The following YAP1 variants were observed in gnomAD, a reference collection of about 807,000 sequenced individuals.
The protein encoded by YAP1 is Yes1 associated transcriptional regulator.
YAP1 carries 5 observed loss-of-function variants against 56.9 expected under a neutral mutation model. The ratio of observed to expected loss-of-function variants is 0.09; its 90% CI spans 0.05 to 0.18. The LOEUF (loss-of-function observed/expected upper bound fraction) is 0.18, where lower values mean the gene tolerates loss of function less well. Ranked by LOEUF, YAP1 falls within the 10% of genes least tolerant of loss-of-function variation. The pLI is 1.00. For missense variants in YAP1, 539 were observed against 651.8 expected, an observed-to-expected ratio of 0.83 and a Z score of 1.88; for synonymous variants, 265 against 248.1, an observed-to-expected ratio of 1.07 and a Z score of -0.64.
chr11:102,182,942 C>T (rs922456125), intron 3 of YAP1, among the ~76,000 whole-genome samples: 3 of 152,156 alleles, frequency 2.0e-5, no homozygotes, highest in African/African-American at 7.2e-5. Context: ...TTTAAGCTTA[C>T]AGAAAGTTCA....
intron 2 of YAP1, among the ~76,000 whole-genome samples, chr11:102,162,254 G>C (rs976811895): frequency 3.3e-5 from 5 of 152,140 alleles, no homozygotes; most frequent in Non-Finnish European, 5.9e-5. Flanking sequence ...TGTTGCACTT[G>C]TAAGATCTAA....
At chr11:102,169,768 A>G (rs984033327) in intron 3 of YAP1, among the ~76,000 whole-genome samples, 26 of 152,184 alleles carry the variant, frequency 1.7e-4, no homozygotes, top group African/African-American at 5.8e-4. Flanking sequence ...AATATAGCCA[A>G]TCCTTAAGAA....
chr11:102,193,240 G>A (rs1320353718), intron 4 of YAP1, among the ~76,000 whole-genome samples: 2 of 152,062 alleles, frequency 1.3e-5, no homozygotes, highest in African/African-American at 4.8e-5. Flanking sequence ...TCAAAAGCAA[G>A]CATTTGCTTA....
In YAP1 at chr11:102,120,928, G is replaced by A. The variant is rs996890089; in HGVS notation, c.572+6534G>A. ...GGCTTTTGGGATAAAAAGTACATAC[G>A]CTGCCACCTAGGAGGTGAAGCAAGA... is the stretch of plus-strand genomic sequence containing the variant. On this transcript the variant is annotated intron_variant, in intron 2 of 8. Transcript: ENST00000282441. Among the ~76,000 whole-genome samples, 23 of 152,270 alleles carry A rather than the reference G, an allele frequency of 1.5e-4. No individual in the cohort carries two copies. The East Asian group carries it at 3.7e-3, about 24-fold the overall frequency.
chr11:102,118,052 G>A (rs1943399134), intron 2 of YAP1, among the ~76,000 whole-genome samples: 1 of 152,078 alleles, frequency 6.6e-6, no homozygotes, highest in Non-Finnish European at 1.5e-5. Context: ...TATTGACTCT[G>A]ATGCCTTATA....
chr11:102,115,411 T>A (rs1454222333), intron 2 of YAP1, among the ~76,000 whole-genome samples: 19 of 152,138 alleles, frequency 1.2e-4, no homozygotes, highest in Admixed American at 1.2e-3. Flanking sequence ...CCATTAAGGA[T>A]GTTTTGTTGT....
At chr11:102,142,270 C>T (rs1945065992) in intron 2 of YAP1, among the ~76,000 whole-genome samples, 2 of 152,036 alleles carry the variant, frequency 1.3e-5, no homozygotes, top group Admixed American at 1.3e-4. Context: ...AAAGAGAGGG[C>T]CAACCTTTCT....
intron 6 of YAP1, among the ~76,000 whole-genome samples, chr11:102,210,165 TG>T (rs1354703330): frequency 2.0e-5 from 3 of 152,206 alleles, no homozygotes; most frequent in Non-Finnish European, 4.4e-5. Flanking sequence ...GGAAAGATTG[TG>T]GCCAATTTTT....
At chr11:102,147,056 C>T (rs146642653) in intron 2 of YAP1, among the ~76,000 whole-genome samples, 16 of 152,254 alleles carry the variant, frequency 1.1e-4, no homozygotes, top group African/African-American at 3.9e-4. Flanking sequence ...CACAGTAACT[C>T]TGTTATCTCT....
intron 4 of YAP1, among the ~76,000 whole-genome samples, chr11:102,191,871 C>T (rs1197990076): frequency 2.6e-5 from 4 of 152,058 alleles, no homozygotes; most frequent in African/African-American, 9.7e-5. Flanking sequence ...TGGGGTTTTG[C>T]CGTGTTGCCC....
chr11:102,188,530 T>A (rs1025366596), intron 4 of YAP1, among the ~76,000 whole-genome samples: 4 of 152,232 alleles, frequency 2.6e-5, no homozygotes, highest in Non-Finnish European at 4.4e-5. Context: ...AGACCACATA[T>A]ACAGTCGTGG....
chr11:102,172,019 G>A (rs1393754008), intron 3 of YAP1, among the ~76,000 whole-genome samples: 1 of 151,810 alleles, frequency 6.6e-6, no homozygotes, highest in Non-Finnish European at 1.5e-5. Flanking sequence ...GTGAAACCCC[G>A]TCTCTACTAA....
intron 4 of YAP1, among the ~76,000 whole-genome samples, chr11:102,191,582 A>G (rs1280077025): frequency 6.6e-6 from 1 of 152,180 alleles, no homozygotes; most frequent in Non-Finnish European, 1.5e-5. Flanking sequence ...TGAGAGGGAG[A>G]AAAATAGTGG....
In YAP1 at chr11:102,147,076, T is replaced by C. The variant is rs150247116; in HGVS notation, c.573-15380T>C. Among the ~76,000 whole-genome samples, 76 of 152,310 alleles carry C rather than the reference T, an allele frequency of 5.0e-4. 1 individual carries two copies. Among genetic ancestry groups the C allele is most frequent in the Non-Finnish European group, 2.1e-4 (14 of 68,028 alleles). On this transcript the variant is annotated intron_variant, in intron 2 of 8. Transcript: ENST00000282441. ...TAACTCTGTTATCTCTATTTTATTTTTGAGAAAGCTAGGGTACAGTTCAGC... is the reference window on the plus strand; with the variant it reads ...TAACTCTGTTATCTCTATTTTATTTCTGAGAAAGCTAGGGTACAGTTCAGC...
At chr11:102,189,576 G>T (rs1051345173) in intron 4 of YAP1, among the ~76,000 whole-genome samples, 2 of 152,112 alleles carry the variant, frequency 1.3e-5, no homozygotes, top group African/African-American at 4.8e-5. Flanking sequence ...GAACAGTCCA[G>T]AGTGACAAAA....
rs537555874 is a variant in YAP1, at chr11:102,110,692, G to A, written c.-157G>A. The A allele has an allele frequency of 5.2e-4, 287 of 554,118 alleles. 1 individual carries two copies. In the African/African-American group the frequency reaches 5.5e-3, roughly 11 times the overall value. The allele number at this position is 554,118 out of a possible 1,614,324, so 34.3% of individuals were successfully genotyped here. On this transcript the variant is annotated 5_prime_UTR_variant, in exon 1 of 9. Coordinates refer to ENST00000282441, the MANE Select transcript of YAP1 (RefSeq NM_001130145.3). ...GCGGAGGCGCCGGGGCGGGGGATGC[G>A]GGGCCGCGGCGCAGCCCCCCGGCCC... is the stretch of plus-strand genomic sequence containing the variant.
intron 7 of YAP1, among the ~76,000 whole-genome samples, chr11:102,225,002 AT>A (rs200493232): frequency 6.6e-6 from 1 of 151,936 alleles, no homozygotes; most frequent in African/African-American, 2.4e-5. Context: ...ACTTATGAAG[AT>A]TTTTTTTCTT....
At chr11:102,224,205 G>A (rs1416308853) in intron 7 of YAP1, among the ~76,000 whole-genome samples, 7 of 152,168 alleles carry the variant, frequency 4.6e-5, no homozygotes. Flanking sequence ...AAGGGCTATA[G>A]TCCAAGGAGA....
intron 7 of YAP1, among the ~76,000 whole-genome samples, chr11:102,224,249 A>G (rs1397853562): frequency 2.6e-5 from 4 of 152,240 alleles, no homozygotes; most frequent in African/African-American, 9.6e-5. Flanking sequence ...TCAAAAATGC[A>G]CTAAGATTAA....
Sources: gnomAD v4.1 joint callset for allele counts (sites outside exome capture counted in the v4.1 genomes callset) on GRCh38, gnomAD v4.1.1 for gene constraint, MANE v1.5 for transcripts, NCBI Gene and HGNC (gene_info 2026-07-23, HGNC 2026-07-21) for gene names.